ASIC2: variants seen among roughly 807,000 people sequenced by gnomAD.
ASIC2 encodes the protein acid-sensing ion channel 2.
Under a neutral mutation model 57.3 loss-of-function variants are expected in ASIC2, and 25 were observed. The ratio of observed to expected loss-of-function variants is 0.44; its 90% CI spans 0.32 to 0.61. The LOEUF is 0.61. Among genes scored for constraint, ASIC2 ranks in the 20% least tolerant of loss-of-function variants. The probability of loss-of-function intolerance (pLI) is 0.06; values close to 1 mark genes in which losing one functional copy is unlikely to be tolerated. For synonymous variants in ASIC2, 319 were observed against 307.5 expected (o/e 1.04, Z -0.39); for missense variants, 641 against 738.1 (o/e 0.87, Z 1.52).
chr17:34,078,596 T>G (rs1033939266), intron 1 of ASIC2, among the ~76,000 whole-genome samples: 3 of 151,980 alleles, frequency 2.0e-5, no homozygotes, highest in African/African-American at 7.3e-5. Flanking sequence ...GAAGCAGCAA[T>G]GAGGAAAGCA....
At chr17:33,059,483 A>G (rs557897634) in intron 3 of ASIC2, among the ~76,000 whole-genome samples, 17 of 152,358 alleles carry the variant, frequency 1.1e-4, no homozygotes, top group African/African-American at 3.8e-4. Flanking sequence ...CACAAAAGAC[A>G]TGAACTCATC....
intron 1 of ASIC2, among the ~76,000 whole-genome samples, chr17:33,967,167 A>C (rs1416968782): frequency 6.6e-6 from 1 of 151,656 alleles, no homozygotes; most frequent in Non-Finnish European, 1.5e-5. Flanking sequence ...ATATTCAGGC[A>C]GTACCCTCTC....
intron 1 of ASIC2, among the ~76,000 whole-genome samples, chr17:34,117,435 T>G (rs1911459756): frequency 6.6e-6 from 1 of 152,144 alleles, no homozygotes; most frequent in South Asian, 2.1e-4. Context: ...AGAACAACAT[T>G]TGAAGCAGAG....
intron 1 of ASIC2, among the ~76,000 whole-genome samples, chr17:33,267,284 T>C (rs1909500297): frequency 6.6e-6 from 1 of 152,192 alleles, no homozygotes; most frequent in Non-Finnish European, 1.5e-5. Context: ...TAGTAAGAGA[T>C]GGCTTTCTAA....
At chr17:33,948,164 G>A (rs570938422) in intron 1 of ASIC2, among the ~76,000 whole-genome samples, 29 of 152,312 alleles carry the variant, frequency 1.9e-4, no homozygotes, top group Admixed American at 1.8e-3. Flanking sequence ...ACACTCCTGC[G>A]TGGGAGGAAG....
intron 1 of ASIC2, among the ~76,000 whole-genome samples, chr17:33,729,815 T>G (rs1187225203): frequency 2.0e-5 from 3 of 152,206 alleles, no homozygotes; most frequent in African/African-American, 2.4e-5. Flanking sequence ...CTCAGTAGTA[T>G]TATTCTAGTT....
intron 1 of ASIC2, among the ~76,000 whole-genome samples, chr17:33,402,372 C>G (rs1246942889): frequency 2.0e-5 from 3 of 152,146 alleles, no homozygotes; most frequent in African/African-American, 7.2e-5. Flanking sequence ...TGGTTTGCTG[C>G]ACCTATCAAC....
chr17:33,464,133 A>C (rs1384154471), intron 1 of ASIC2, among the ~76,000 whole-genome samples: 1 of 152,118 alleles, frequency 6.6e-6, no homozygotes, highest in Non-Finnish European at 1.5e-5. Flanking sequence ...TCCCAGTCCT[A>C]AGAGTCTGAG....
At chr17:34,025,030 C>T (rs556590797) in intron 1 of ASIC2, among the ~76,000 whole-genome samples, 1 of 152,314 alleles carries the variant, frequency 6.6e-6, no homozygotes, top group African/African-American at 2.4e-5. Context: ...CCCCAGTGGA[C>T]AGCACTTTGT....
chr17:33,260,101 C>T (rs796729616), intron 1 of ASIC2, among the ~76,000 whole-genome samples: 4 of 152,210 alleles, frequency 2.6e-5, no homozygotes, highest in African/African-American at 4.8e-5. Flanking sequence ...ATCATACCAC[C>T]GCACTCCAGC....
intron 1 of ASIC2, among the ~76,000 whole-genome samples, chr17:33,302,256 T>C (rs764603584): frequency 9.2e-5 from 14 of 152,228 alleles, no homozygotes; most frequent in Non-Finnish European, 1.6e-4. Context: ...CTCGTTAAAA[T>C]AGTTAAGCGT....
At chr17:33,494,060 T>A (rs1913850188) in intron 1 of ASIC2, among the ~76,000 whole-genome samples, 1 of 152,212 alleles carries the variant, frequency 6.6e-6, no homozygotes, top group Admixed American at 6.5e-5. Flanking sequence ...TTTGTCTAGA[T>A]CCCATAGCCT....
At chr17:33,974,355 C>A (rs1223220069) in intron 1 of ASIC2, among the ~76,000 whole-genome samples, 1 of 152,190 alleles carries the variant, frequency 6.6e-6, no homozygotes, top group Non-Finnish European at 1.5e-5. Flanking sequence ...ACTCCAGCAG[C>A]CATTGTGCTT....
At position 33,870,325 on chromosome 17, in the gene ASIC2, C is replaced by T. The variant is rs573386857; in HGVS notation, c.555+285653G>A. Among the ~76,000 whole-genome samples the T allele has an allele frequency of 1.0e-4, 13 of 128,982 alleles. No homozygotes were observed. The South Asian group carries it at 2.5e-3, about 24-fold the overall frequency. The allele number at this position is 128,982 out of a possible 152,430, so 84.6% of individuals were successfully genotyped here. A position where few individuals can be genotyped will look rare whatever the true frequency, so the allele number is the denominator to read the frequency against. On this transcript the variant is annotated intron_variant, in intron 1 of 9. Coordinates refer to the ASIC2 transcript ENST00000359872. ...GGGTTTGGGAGAGAGAAAGAACGAACACAGAAAGACCAGCAAGAAGCAGCC... is the reference window on the plus strand; with the variant it reads ...GGGTTTGGGAGAGAGAAAGAACGAATACAGAAAGACCAGCAAGAAGCAGCC...
intron 1 of ASIC2, among the ~76,000 whole-genome samples, chr17:33,420,837 C>T (rs750355744): frequency 2.6e-5 from 4 of 152,118 alleles, no homozygotes; most frequent in Admixed American, 6.5e-5. Context: ...GCCTGCCATG[C>T]CACAGGATGA....
At position 33,808,248 on chromosome 17, in the gene ASIC2, C is replaced by T. The variant is rs115533715; in HGVS notation, c.555+347730G>A. ...TGTGTCTACATTCTTTTTTTGCATG[C>T]GAATGCTGTCCCAGCACCATTTTTT... is the stretch of plus-strand genomic sequence containing the variant. On this transcript the variant is annotated intron_variant, in intron 1 of 9. Transcript: ENST00000359872. Among the ~76,000 whole-genome samples, 1,026 of 152,226 alleles carry T rather than the reference C, an allele frequency of 6.7e-3. 13 individuals are homozygous for T. Among genetic ancestry groups the T allele is most frequent in the African/African-American group, 0.023 (969 of 41,534 alleles).
intron 8 of ASIC2, 59 bp downstream of exon 8, chr17:33,017,545 TG>T: frequency 6.9e-7 from 1 of 1,438,996 alleles, no homozygotes; most frequent in Non-Finnish European, 9.7e-7. Flanking sequence ...ATTCTGAACC[TG>T]GGGCACGATG....
At chr17:34,029,503 CT>C (rs772893877) in intron 1 of ASIC2, among the ~76,000 whole-genome samples, 20 of 152,076 alleles carry the variant, frequency 1.3e-4, no homozygotes, top group Non-Finnish European at 2.4e-4. Context: ...TTGTATTGGA[CT>C]GAATTCTACT....
chr17:33,682,152 C>T (rs374674018), intron 1 of ASIC2, among the ~76,000 whole-genome samples: 7 of 151,612 alleles, frequency 4.6e-5, no homozygotes, highest in African/African-American at 7.3e-5. Flanking sequence ...CTCCGCCTCC[C>T]GAGTTCACGC....
Sources: allele counts gnomAD v4.1 joint callset (sites outside exome capture counted in the v4.1 genomes callset), GRCh38; gene constraint gnomAD v4.1.1; transcripts MANE v1.5; gene names NCBI Gene and HGNC (gene_info 2026-07-23, HGNC 2026-07-21).